Variants in ABLIM1 observed in about 807,000 individuals in gnomAD.
The protein encoded by ABLIM1 is actin-binding LIM protein 1.
Under a neutral mutation model 107.0 loss-of-function variants are expected in ABLIM1, and 40 were observed. The ratio of observed to expected loss-of-function variants is 0.37; its 90% CI spans 0.29 to 0.49. ABLIM1 has a LOEUF of 0.49. ABLIM1 is among the 20% of genes least tolerant of loss of function. The probability of loss-of-function intolerance (pLI) is 0.97; values close to 1 mark genes in which losing one functional copy is unlikely to be tolerated. For missense variants in ABLIM1, 857 were observed against 1,008.5 expected (o/e 0.85, Z 2.04); for synonymous variants, 357 against 357.3 (o/e 1.00, Z 0.01).
intron 1 of ABLIM1, among the ~76,000 whole-genome samples, chr10:114,749,554 G>A (rs1053033334): frequency 2.0e-5 from 3 of 151,664 alleles, no homozygotes; most frequent in Non-Finnish European, 4.4e-5. Flanking sequence ...AGGGGTACTC[G>A]TGATTTCTTT....
At chr10:114,507,578 A>C (rs2061330119) in intron 6 of ABLIM1, among the ~76,000 whole-genome samples, 1 of 152,196 alleles carries the variant, frequency 6.6e-6, no homozygotes, top group Admixed American at 6.5e-5. Flanking sequence ...CAGGCCTCAG[A>C]GACCTGAGCC....
intron 1 of ABLIM1, among the ~76,000 whole-genome samples, chr10:114,710,165 G>C (rs550640314): frequency 3.3e-5 from 5 of 152,302 alleles, no homozygotes; most frequent in Admixed American, 3.3e-4. Flanking sequence ...TCCAGAGTTA[G>C]AGTGACTCAG....
intron 6 of ABLIM1, among the ~76,000 whole-genome samples, chr10:114,500,078 G>C (rs1565638183): frequency 1.3e-5 from 2 of 152,150 alleles, no homozygotes; most frequent in South Asian, 4.1e-4. Context: ...AAGCCTAGAG[G>C]GCTCTATACA....
intron 6 of ABLIM1, among the ~76,000 whole-genome samples, chr10:114,520,739 G>T (rs1590848483): frequency 6.6e-6 from 1 of 152,096 alleles, no homozygotes; most frequent in African/African-American, 2.4e-5. Context: ...AGGAGGCCAA[G>T]GCAGGAGGAC....
intron 4 of ABLIM1, among the ~76,000 whole-genome samples, chr10:114,558,662 A>G (rs577914851): frequency 6.6e-6 from 1 of 152,284 alleles, no homozygotes; most frequent in Admixed American, 6.5e-5. Context: ...GCTGTTGAAA[A>G]CTAGCTAGGA....
At chr10:114,586,216 T>A (rs1251279236) in intron 2 of ABLIM1, among the ~76,000 whole-genome samples, 1 of 152,002 alleles carries the variant, frequency 6.6e-6, no homozygotes, top group Non-Finnish European at 1.5e-5. Context: ...CTCAACTCTT[T>A]CAGCAACTGA....
intron 1 of ABLIM1, among the ~76,000 whole-genome samples, chr10:114,603,636 T>C (rs2076196366): frequency 6.8e-6 from 1 of 147,334 alleles, no homozygotes; most frequent in Non-Finnish European, 1.5e-5. Flanking sequence ...CCCTTGCACA[T>C]TAAAAAAAAA....
At chr10:114,775,371 A>G in the ABLIM1 span, among the ~76,000 whole-genome samples, 1 of 152,322 alleles carries the variant, frequency 6.6e-6, no homozygotes, top group Admixed American at 6.5e-5. Flanking sequence ...GTGGGAGTTC[A>G]ATGGAATATT....
chr10:114,588,948 C>T (rs780665300), intron 2 of ABLIM1, among the ~76,000 whole-genome samples: 4 of 151,928 alleles, frequency 2.6e-5, no homozygotes, highest in African/African-American at 4.8e-5. Context: ...ATTTATGTAC[C>T]GCATAATGAT....
At position 114,710,209 on chromosome 10, in the gene ABLIM1, G is replaced by C. The variant is rs808256; in HGVS notation, c.-213+57852C>G. Among the ~76,000 whole-genome samples the C allele has an allele frequency of 2.0e-5, 3 of 151,990 alleles. 1 individual carries two copies. The South Asian group carries it at 6.2e-4, about 31-fold the overall frequency. On this transcript the variant is annotated intron_variant, in intron 1 of 15. Coordinates refer to the ABLIM1 transcript ENST00000651092. ...TGGCAACTATCAGAATTGTATTACA[G>C]TGCAATCTTTACCAGCCTCGGCAAC...
intron 1 of ABLIM1, among the ~76,000 whole-genome samples, chr10:114,678,729 T>G (rs1452042642): frequency 6.6e-6 from 1 of 152,260 alleles, no homozygotes; most frequent in Non-Finnish European, 1.5e-5. Context: ...CTGTTTGCTC[T>G]ATAAACATCT....
At chr10:114,592,882 C>T (rs57161229) in intron 2 of ABLIM1, among the ~76,000 whole-genome samples, 2,141 of 152,096 alleles carry the variant, frequency 0.014, 43 homozygotes, top group African/African-American at 0.05. Context: ...GGGTATGGGG[C>T]TAGTAATCTG....
At chr10:114,524,902 G>A (rs2064403600) in intron 6 of ABLIM1, among the ~76,000 whole-genome samples, 1 of 152,246 alleles carries the variant, frequency 6.6e-6, no homozygotes, top group African/African-American at 2.4e-5. Context: ...CAAATGGTCA[G>A]GCAAAAACAC....
At chr10:114,588,487 CTTTTTTT>C (rs34043960) in intron 2 of ABLIM1, among the ~76,000 whole-genome samples, 26 of 76,558 alleles carry the variant, frequency 3.4e-4, no homozygotes, top group East Asian at 3.1e-3. Flanking sequence ...TTCTTTCTTT[CTTTTTTT>C]TTTTTTTTTT....
intron 1 of ABLIM1, among the ~76,000 whole-genome samples, chr10:114,647,720 G>A (rs919786172): frequency 6.6e-6 from 1 of 152,066 alleles, no homozygotes; most frequent in Non-Finnish European, 1.5e-5. Flanking sequence ...GATTTTTCTG[G>A]GCTCTGTGAG....
chr10:114,629,204 G>A lies in ABLIM1; in HGVS notation c.245-27243C>T. On this transcript the variant is annotated intron_variant, in intron 1 of 22. Transcript: ENST00000533213. The surrounding 1 kb of genome is among the most constrained non-coding windows in gnomAD (Gnocchi z 4.0). ...CCTGCCCATGTCAGCCCCGAACCAG[G>A]TATTTTATCCTAGAGAGAAAACTAT... is the stretch of plus-strand genomic sequence containing the variant. Among the ~76,000 whole-genome samples, 1 of 152,284 alleles carries A rather than the reference G, an allele frequency of 6.6e-6. No individual in the cohort carries two copies. The highest frequency in any genetic ancestry group is 1.9e-4 in the East Asian group (1 of 5,182).
chr10:114,641,139 G>A (rs992282258), intron 1 of ABLIM1, among the ~76,000 whole-genome samples: 22 of 149,222 alleles, frequency 1.5e-4, no homozygotes, highest in Admixed American at 1.2e-3. Context: ...TAATAATATC[G>A]AAGCTGGGGG....
In ABLIM1 at chr10:114,707,239, C is replaced by T. The variant is rs910836284; in HGVS notation, c.-213+60822G>A. ...TCTCCAGTAAGGGTTCAGTTTTTTGCTGTTGTTGCTGTTGATGGAGTCTCG... is the reference window on the plus strand; with the variant it reads ...TCTCCAGTAAGGGTTCAGTTTTTTGTTGTTGTTGCTGTTGATGGAGTCTCG... On this transcript the variant is annotated intron_variant, in intron 1 of 15. Transcript: ENST00000651092. The surrounding 1 kb of genome is among the most constrained non-coding windows in gnomAD (Gnocchi z 4.1). Among the ~76,000 whole-genome samples the T allele has an allele frequency of 2.0e-4, 30 of 152,030 alleles. No homozygotes were observed. The highest frequency in any genetic ancestry group is 7.2e-4 in the African/African-American group (30 of 41,410).
intron 1 of ABLIM1, among the ~76,000 whole-genome samples, chr10:114,730,529 A>G (rs2082051420): frequency 6.6e-6 from 1 of 152,104 alleles, no homozygotes; most frequent in African/African-American, 2.4e-5. Context: ...TGATCCCTAA[A>G]TTACACAAAT....
Sources: gnomAD v4.1 joint callset for allele counts (sites outside exome capture counted in the v4.1 genomes callset) on GRCh38, gnomAD v4.1.1 for gene constraint, Gnocchi (gnomAD v3.1) non-coding constraint, MANE v1.5 for transcripts, NCBI Gene and HGNC (gene_info 2026-07-23, HGNC 2026-07-21) for gene names.